The following SEC22B variants were observed in gnomAD, a reference collection of about 807,000 sequenced individuals.
SEC22B encodes SEC22 homolog B, vesicle trafficking protein.
Under a neutral mutation model 31.4 loss-of-function variants are expected in SEC22B, and 10 were observed. The observed-to-expected ratio is 0.32, with a 90% CI of 0.20 to 0.54. The LOEUF is 0.54. SEC22B is among the 20% of genes least tolerant of loss of function. The pLI, the probability that SEC22B is intolerant of heterozygous loss-of-function variation, is 0.94. For synonymous variants in SEC22B, 60 were observed against 95.9 expected (o/e 0.63, Z 2.19); for missense variants, 130 against 263.4 (o/e 0.49, Z 3.50).
chr1:120,157,346 G>A (rs1228825677), intron 4 of SEC22B, 154 bp from the exon 5 acceptor site: 77 of 506,508 alleles, frequency 1.5e-4, no homozygotes, highest in Non-Finnish European at 2.3e-4. Flanking sequence ...CTAATTAACT[G>A]ATGATGCTGA....
intron 1 of SEC22B, among the ~76,000 whole-genome samples, chr1:120,169,560 G>A (rs1239602123): frequency 1.3e-5 from 2 of 152,056 alleles, no homozygotes; most frequent in African/African-American, 4.8e-5. Context: ...TTTGAATATC[G>A]AGGGATATAT....
intron 4 of SEC22B, chr1:120,159,155 T>C (rs1325412085): frequency 1.3e-5 from 2 of 151,750 alleles, no homozygotes; most frequent in Non-Finnish European, 2.9e-5. Context: ...GGGCTGGGTG[T>C]TGTGGCTCAT....
rs1553230189 is a variant in SEC22B at position 120,176,292 on chromosome 1, G to C, written c.75+15C>G. ...ACAGAGACTTGGGGTCGCGGGTCGT[G>C]AGTAAGCAGCTCACCTGTTCGTCCT... On this transcript the variant is annotated intron_variant, in intron 1 of 4. Transcript: ENST00000578049. The C allele has an allele frequency of 8.1e-6, 13 of 1,607,264 alleles. No homozygotes were observed. In the African/African-American group the frequency reaches 1.5e-4, roughly 18 times the overall value.
chr1:120,169,910 G>A (rs1215823018), intron 1 of SEC22B, among the ~76,000 whole-genome samples: 1 of 150,248 alleles, frequency 6.7e-6, no homozygotes, highest in African/African-American at 2.5e-5. Flanking sequence ...CCAAAGTGAT[G>A]GTATTAAGAA....
intron 2 of SEC22B, among the ~76,000 whole-genome samples, chr1:120,166,339 G>T (rs1657806761): frequency 6.7e-6 from 1 of 148,952 alleles, no homozygotes; most frequent in African/African-American, 2.5e-5. Context: ...AATATCTATG[G>T]ATAGATAATC....
chr1:120,159,253 C>T (rs1276570364), intron 4 of SEC22B: 1 of 150,686 alleles, frequency 6.6e-6, no homozygotes, highest in Non-Finnish European at 1.5e-5. Context: ...CATGGCAAAA[C>T]CCCATCTCTA....
chr1:120,157,281 C>T (rs1657642239), intron 4 of SEC22B, 89 bp from the exon 5 acceptor site: 1 of 930,642 alleles, frequency 1.1e-6, no homozygotes, highest in Non-Finnish European at 1.5e-6. Flanking sequence ...AGCAGCACTG[C>T]AACAACCATG....
intron 1 of SEC22B, among the ~76,000 whole-genome samples, chr1:120,175,719 C>A (rs1180693963): frequency 1.3e-5 from 2 of 152,084 alleles, no homozygotes; most frequent in Non-Finnish European, 2.9e-5. Flanking sequence ...CTAGGAAACT[C>A]AAGTTATTGA....
chr1:120,170,043 A>G (rs1250158519), intron 1 of SEC22B, among the ~76,000 whole-genome samples: 1 of 149,502 alleles, frequency 6.7e-6, no homozygotes, highest in Non-Finnish European at 1.5e-5. Context: ...AAACAGCCAG[A>G]AGGTGACATC....
chr1:120,163,411 T>C lies in SEC22B; in HGVS notation c.186-41A>G. The C allele has an allele frequency of 2.3e-6, 3 of 1,324,024 alleles. No homozygotes were observed. The South Asian group carries it at 5.1e-5, about 22-fold the overall frequency. The allele number at this position is 1,324,024 out of a possible 1,614,324, so 82.0% of individuals were successfully genotyped here. A position where few individuals can be genotyped will look rare whatever the true frequency, so the allele number is the denominator to read the frequency against. ...AAGCAAGACAAAGTTATCTGTAAAG[T>C]AATAGCACTGACAACAGTTTAAAGC... On this transcript the variant is annotated intron_variant, in intron 2 of 4. Transcript: ENST00000578049.
chr1:120,171,083 A>G (rs1657889859), intron 1 of SEC22B, among the ~76,000 whole-genome samples: 3 of 132,050 alleles, frequency 2.3e-5, no homozygotes, highest in Non-Finnish European at 4.5e-5. Flanking sequence ...TGGCTTCACA[A>G]TAGAATCATT....
In SEC22B at chr1:120,157,171, T is replaced by C; in HGVS notation, c.515A>G (p.Asn172Ser). 1.4e-6 allele frequency: 2 copies of C among 1,457,742 alleles called. No homozygotes were observed. Among genetic ancestry groups the C allele is most frequent in the South Asian group, 1.5e-5 (1 of 67,560 alleles). The allele number at this position is 1,457,742 out of a possible 1,614,324, so 90.3% of individuals were successfully genotyped here. ...GTATTTCTTGGACAGACTGGACAAA[T>C]TGTTAGCCTTTGAATCCAATGCTGT... is the stretch of plus-strand genomic sequence containing the variant. Reference protein sequence around the residue: ...ALSALDSKANNLSSLSKKYRQ... With the variant: ...ALSALDSKANSLSSLSKKYRQ... The change falls in exon 5 of 5, where the codon AAT becomes AGT. Residue 172 changes from asparagine to serine, a missense_variant. By Grantham distance (46) the Asn-to-Ser change is conservative. Coordinates refer to ENST00000578049, the MANE Select transcript of SEC22B (RefSeq NM_004892.6).
At chr1:120,163,085 T>A (rs1419153975) in intron 3 of SEC22B, 125 bp downstream of exon 3, 1 of 609,814 alleles carries the variant, frequency 1.6e-6, no homozygotes. Context: ...TGGAAAAGGA[T>A]GCAGAAGCTA....
At position 120,174,339 on chromosome 1, in the gene SEC22B, A is replaced by G. The variant is rs1203123616; in HGVS notation, c.75+1968T>C. ...TATAAATGTTCTGTATACTATTAAA[A>G]TAGTAAAAGTAAGCCTAAGATTCAG... is the stretch of plus-strand genomic sequence containing the variant. On this transcript the variant is annotated intron_variant, in intron 1 of 4. Transcript: ENST00000578049. 7.8e-4 allele frequency among the ~76,000 whole-genome samples: 118 copies of G among 152,086 alleles called. No individual in the cohort carries two copies. In the Middle Eastern group the frequency reaches 0.014, roughly 18 times the overall value.
At position 120,176,422 on chromosome 1, in the gene SEC22B, C is replaced by G; in HGVS notation, c.-41G>C. 6.3e-7 allele frequency: 1 copy of G among 1,579,346 alleles called. No individual in the cohort carries two copies. The highest frequency in any genetic ancestry group is 8.7e-7 in the Non-Finnish European group (1 of 1,150,816). ...GGATCCAACACTGGCCCGGAAGGCC[C>G]TTGGCGCCGTCCTCACTTCCTCCGC... On this transcript the variant is annotated 5_prime_UTR_variant, in exon 1 of 5. Transcript: ENST00000578049.
At position 120,153,307 on chromosome 1, in the gene SEC22B, GCTAA is replaced by G. The variant is rs1165461922; in HGVS notation, c.*3727_*3730del. 10 of 150,428 alleles carry G rather than the reference GCTAA, an allele frequency of 6.6e-5. No homozygotes were observed. The highest frequency in any genetic ancestry group is 1.3e-4 in the Non-Finnish European group (9 of 67,916). The allele number at this position is 150,428 out of a possible 1,614,324, so 9.3% of individuals were successfully genotyped here. Reference sequence around the variant, plus strand: ...CACCAGGTAGGAGTCAGTTAGTTCTGCTAACTAACTAACCAAAAACCTTAATTGT... The same window carrying G: ...CACCAGGTAGGAGTCAGTTAGTTCTGCTAACTAACCAAAAACCTTAATTGT... On this transcript the variant is annotated 3_prime_UTR_variant, in exon 5 of 5. Coordinates refer to ENST00000578049, the MANE Select transcript of SEC22B (RefSeq NM_004892.6).
intron 2 of SEC22B, among the ~76,000 whole-genome samples, chr1:120,167,371 A>G (rs1424459560): frequency 2.0e-5 from 3 of 151,908 alleles, no homozygotes; most frequent in Non-Finnish European, 2.9e-5. Context: ...TTCTTTACAT[A>G]TTTGTGGACT....
intron 2 of SEC22B, among the ~76,000 whole-genome samples, chr1:120,165,674 C>T (rs1178744783): frequency 6.6e-6 from 1 of 151,950 alleles, no homozygotes; most frequent in Admixed American, 6.6e-5. Context: ...CTTTGCTGTG[C>T]AGAAGCTTTT....
At chr1:120,168,478 T>C (rs1657846572) in intron 2 of SEC22B, among the ~76,000 whole-genome samples, 3 of 152,260 alleles carry the variant, frequency 2.0e-5, no homozygotes, top group African/African-American at 7.2e-5. Flanking sequence ...TTCACTACTT[T>C]ATAGAGGAAA....
Sources: gnomAD v4.1 joint callset for allele counts (sites outside exome capture counted in the v4.1 genomes callset) on GRCh38, gnomAD v4.1.1 for gene constraint, MANE v1.5 for transcripts, NCBI Gene and HGNC (gene_info 2026-07-23, HGNC 2026-07-21) for gene names.